The following PCDH15 variants were observed in gnomAD, a reference collection of about 807,000 sequenced individuals.
PCDH15 encodes protocadherin related 15.
In PCDH15, 129 loss-of-function variants were observed where a neutral mutation model predicts 178.5. The observed-to-expected ratio is 0.72, with a 90% confidence interval of 0.63 to 0.84. The LOEUF (loss-of-function observed/expected upper bound fraction) is 0.84. Among genes scored for constraint, PCDH15 ranks in the 40% least tolerant of loss-of-function variants. The probability of loss-of-function intolerance (pLI) is 0.00; values close to 1 mark genes in which losing one functional copy is unlikely to be tolerated. For synonymous variants in PCDH15, 800 were observed against 732.0 expected, an observed-to-expected ratio of 1.09 and a Z score of -1.50; for missense variants, 2,230 against 2,099.9, an observed-to-expected ratio of 1.06 and a Z score of -1.21.
At chr10:54,804,904 T>A (rs1248007699), upstream of PCDH15, among the ~76,000 whole-genome samples, 7 of 133,602 alleles carry the variant, frequency 5.2e-5, no homozygotes, top group South Asian at 2.3e-4. Flanking sequence ...TTTTTTGGAA[T>A]CTTGACTTGT....
chr10:53,946,838 C>T (rs980056394), intron 23 of PCDH15, among the ~76,000 whole-genome samples: 4 of 152,262 alleles, frequency 2.6e-5, no homozygotes, highest in Middle Eastern at 3.4e-3. Flanking sequence ...AGTGCAGTGG[C>T]GCGATCTCGG....
At chr10:55,523,107 G>A (rs531012903) in intron 2 of PCDH15, among the ~76,000 whole-genome samples, 1 of 151,298 alleles carries the variant, frequency 6.6e-6, no homozygotes, top group South Asian at 2.1e-4. Context: ...TCTTTTTTGG[G>A]TTGATCCTTT....
intron 18 of PCDH15, among the ~76,000 whole-genome samples, chr10:54,046,543 G>C (rs1233463181): frequency 6.6e-6 from 1 of 152,034 alleles, no homozygotes; most frequent in East Asian, 1.9e-4. Context: ...CTAAAATTCT[G>C]TTTACAGGCT....
At chr10:54,144,332 C>T (rs1054965323) in intron 14 of PCDH15, among the ~76,000 whole-genome samples, 1 of 152,056 alleles carries the variant, frequency 6.6e-6, no homozygotes, top group Non-Finnish European at 1.5e-5. Flanking sequence ...GAAATTGACC[C>T]TTCTGGTCTT....
intron 1 of PCDH15, among the ~76,000 whole-genome samples, chr10:54,774,031 TTTTTTTTTTTTTTTTG>T (rs2133303732): frequency 1.4e-5 from 1 of 71,818 alleles, no homozygotes; most frequent in South Asian, 4.9e-4. Context: ...TTTTTTTTTT[TTTTTTTTTTTTTTTTG>T]AGACGGAGTC....
At chr10:54,657,157 A>G (rs999784420) in intron 2 of PCDH15, among the ~76,000 whole-genome samples, 1 of 152,216 alleles carries the variant, frequency 6.6e-6, no homozygotes, top group African/African-American at 2.4e-5. Context: ...GGGCATACCC[A>G]TGGTCTCCAG....
chr10:54,306,102 A>C (rs2060451938), intron 8 of PCDH15, among the ~76,000 whole-genome samples: 1 of 151,900 alleles, frequency 6.6e-6, no homozygotes, highest in South Asian at 2.1e-4. Flanking sequence ...GATTTCGGGC[A>C]AACCTGGTAG....
intron 8 of PCDH15, among the ~76,000 whole-genome samples, chr10:54,268,066 G>A (rs2057807039): frequency 6.6e-6 from 1 of 151,698 alleles, no homozygotes; most frequent in East Asian, 1.9e-4. Flanking sequence ...GCATGGTATG[G>A]GTACAAAAAT....
chr10:54,636,836 A>G (rs1448866277), intron 2 of PCDH15, among the ~76,000 whole-genome samples: 1 of 151,882 alleles, frequency 6.6e-6, no homozygotes, highest in Non-Finnish European at 1.5e-5. Flanking sequence ...CCAATATACC[A>G]TTGCCCTATT....
intron 3 of PCDH15, among the ~76,000 whole-genome samples, chr10:54,853,129 G>A (rs1042686166): frequency 6.8e-6 from 1 of 148,102 alleles, no homozygotes; most frequent in Non-Finnish European, 1.5e-5. Flanking sequence ...GCATGGTGGC[G>A]CATGCCTGTA....
intron 35 of PCDH15, among the ~76,000 whole-genome samples, chr10:53,813,182 T>C (rs923051856): frequency 6.6e-6 from 1 of 152,152 alleles, no homozygotes; most frequent in Non-Finnish European, 1.5e-5. Flanking sequence ...TCCTCTCCTG[T>C]TTATGACAGT....
At chr10:55,161,757 A>G (rs1318716854) in intron 2 of PCDH15, among the ~76,000 whole-genome samples, 1 of 152,124 alleles carries the variant, frequency 6.6e-6, no homozygotes, top group Non-Finnish European at 1.5e-5. Flanking sequence ...AACGGACCTT[A>G]TCTTCTCAGG....
intron 3 of PCDH15, among the ~76,000 whole-genome samples, chr10:54,463,170 G>A (rs1169897717): frequency 1.3e-5 from 2 of 152,076 alleles, no homozygotes; most frequent in Non-Finnish European, 2.9e-5. Context: ...TAAGCTGAGT[G>A]AATGCCAATA....
chr10:54,450,012 T>C (rs1306306929), intron 3 of PCDH15, among the ~76,000 whole-genome samples: 1 of 151,502 alleles, frequency 6.6e-6, no homozygotes, highest in Non-Finnish European at 1.5e-5. Flanking sequence ...TCCCAAAGTT[T>C]GAATAGGTGT....
intron 2 of PCDH15, among the ~76,000 whole-genome samples, chr10:55,524,564 A>G (rs906059505): frequency 1.3e-5 from 2 of 151,520 alleles, no homozygotes; most frequent in African/African-American, 4.8e-5. Context: ...GAAACCACTA[A>G]CAATTTTAAA....
intron 1 of PCDH15, among the ~76,000 whole-genome samples, chr10:54,740,289 C>T (rs67045877): frequency 0.13 from 19,038 of 151,912 alleles, 1,354 homozygotes; most frequent in African/African-American, 0.18. Context: ...TTCAAAATCA[C>T]TAGCCATGGG....
intron 21 of PCDH15, among the ~76,000 whole-genome samples, chr10:53,970,024 G>C (rs1161416500): frequency 6.6e-6 from 1 of 152,154 alleles, no homozygotes; most frequent in Non-Finnish European, 1.5e-5. Context: ...AACCTTAAAT[G>C]TAAATGGGCT....
chr10:54,932,203 T>C (rs1050005959), intron 2 of PCDH15, among the ~76,000 whole-genome samples: 3 of 152,194 alleles, frequency 2.0e-5, no homozygotes, highest in Non-Finnish European at 4.4e-5. Flanking sequence ...AAGGCATTCT[T>C]ATCAGAGGAG....
chr10:54,831,560 A>G (rs1953227905), intron 3 of PCDH15, among the ~76,000 whole-genome samples: 1 of 152,142 alleles, frequency 6.6e-6, no homozygotes, highest in Non-Finnish European at 1.5e-5. Flanking sequence ...GTTTGTGTGA[A>G]CTATATACTG....
Sources: allele counts gnomAD v4.1 joint callset (sites outside exome capture counted in the v4.1 genomes callset), GRCh38; gene constraint gnomAD v4.1.1; transcripts MANE v1.5; gene names NCBI Gene and HGNC (gene_info 2026-07-23, HGNC 2026-07-21).